Variants in ADAMTSL3 observed in about 807,000 individuals in gnomAD.
The protein encoded by ADAMTSL3 is ADAMTS-like protein 3.
In ADAMTSL3, 128 loss-of-function variants were observed where a neutral mutation model predicts 201.7. The ratio of observed to expected loss-of-function variants is 0.63; its 90% CI spans 0.55 to 0.73. ADAMTSL3 has a LOEUF of 0.73. ADAMTSL3 is among the 30% of genes least tolerant of loss of function. The pLI is 0.00. For missense variants in ADAMTSL3, 1,990 were observed against 2,119.6 expected, an observed-to-expected ratio of 0.94 and a Z score of 1.20; for synonymous variants, 738 against 748.4, an observed-to-expected ratio of 0.99 and a Z score of 0.23.
At chr15:83,711,254 A>G (rs2061929436) in intron 3 of ADAMTSL3, among the ~76,000 whole-genome samples, 1 of 152,196 alleles carries the variant, frequency 6.6e-6, no homozygotes, top group South Asian at 2.1e-4. Flanking sequence ...ATGTGGTTAA[A>G]CTATTGGCAG....
rs563906636 is a variant in ADAMTSL3, at chr15:83,969,270, C to A, written c.2491-1214C>A. On this transcript the variant is annotated intron_variant, in intron 19 of 29. Coordinates refer to ENST00000286744, the MANE Select transcript of ADAMTSL3 (RefSeq NM_207517.3). The stretch of plus-strand genomic sequence containing the variant: ...ACCAGCCTGGCCAAGATGATAAAAC[C>A]CCATCTCTACTAAAAATACAAAAAG... 4.6e-5 allele frequency among the ~76,000 whole-genome samples: 7 copies of A among 152,196 alleles called. No homozygotes were observed. In the South Asian group the frequency reaches 1.2e-3, roughly 27 times the overall value.
At chr15:83,953,429 A>G (rs1175784416) in intron 19 of ADAMTSL3, among the ~76,000 whole-genome samples, 3 of 152,162 alleles carry the variant, frequency 2.0e-5, no homozygotes, top group Non-Finnish European at 4.4e-5. Flanking sequence ...TGAAAACTCT[A>G]TACTTTTACT....
intron 2 of ADAMTSL3, among the ~76,000 whole-genome samples, chr15:83,674,291 TA>T (rs1357244983): frequency 6.6e-6 from 1 of 152,028 alleles, no homozygotes; most frequent in Non-Finnish European, 1.5e-5. Context: ...GGTCACATCT[TA>T]CGTTATATGG....
chr15:83,767,858 G>A (rs2062918328), intron 3 of ADAMTSL3, among the ~76,000 whole-genome samples: 1 of 152,198 alleles, frequency 6.6e-6, no homozygotes, highest in South Asian at 2.1e-4. Context: ...ATTATGGTCG[G>A]CTTACTAGTT....
intron 16 of ADAMTSL3, among the ~76,000 whole-genome samples, chr15:83,916,357 T>C (rs2066032623): frequency 6.6e-6 from 1 of 152,178 alleles, no homozygotes; most frequent in Non-Finnish European, 1.5e-5. Context: ...CTTGGACACC[T>C]ACTAACCCAA....
chr15:84,021,902 C>T (rs2068212636), intron 26 of ADAMTSL3, among the ~76,000 whole-genome samples: 1 of 152,148 alleles, frequency 6.6e-6, no homozygotes, highest in Admixed American at 6.5e-5. Context: ...CACACACAAT[C>T]CTGTCAGTTC....
At chr15:83,828,798 C>A (rs1596284993) in intron 6 of ADAMTSL3, among the ~76,000 whole-genome samples, 1 of 152,056 alleles carries the variant, frequency 6.6e-6, no homozygotes, top group African/African-American at 2.4e-5. Context: ...TGGTTTTTGT[C>A]TTTGTTTCTG....
chr15:83,811,849 T>A (rs1308937998), intron 5 of ADAMTSL3, among the ~76,000 whole-genome samples: 1 of 152,198 alleles, frequency 6.6e-6, no homozygotes, highest in Non-Finnish European at 1.5e-5. Context: ...AAATTCCTTA[T>A]TTGTAAAATA....
At chr15:83,698,204 A>G (rs1052711497) in intron 2 of ADAMTSL3, among the ~76,000 whole-genome samples, 3 of 152,114 alleles carry the variant, frequency 2.0e-5, no homozygotes, top group Non-Finnish European at 4.4e-5. Context: ...TAATATCACA[A>G]TCAAGCAGAA....
In ADAMTSL3 at chr15:84,031,344, C is replaced by T. The variant is rs375925683; in HGVS notation, c.4666C>T (p.Arg1556Cys). Residue 1556 changes from arginine to cysteine, a missense_variant, in exon 28 of 30, where the codon CGT (arginine) becomes TGT (cysteine). Coordinates refer to ENST00000286744, the MANE Select transcript of ADAMTSL3 (RefSeq NM_207517.3). The stretch of plus-strand genomic sequence containing the variant: ...TGCTTTTTTGTTCCAGTGTCCTGGA[C>T]GTTGCATGGGCCGTGCTGTGAGGAT... ...QWEPGNRCPG[R>C]CMGRAVRMQQ... 2.2e-5 allele frequency: 36 copies of T among 1,613,924 alleles called. No homozygotes were observed. Among genetic ancestry groups the T allele is most frequent in the Middle Eastern group, 1.7e-4 (1 of 5,918 alleles).
At chr15:83,780,065 G>T (rs138019247) in intron 4 of ADAMTSL3, among the ~76,000 whole-genome samples, 1 of 64,864 alleles carries the variant, frequency 1.5e-5, no homozygotes, top group Non-Finnish European at 2.9e-5. Flanking sequence ...GCAGAGACAA[G>T]AAATAAATCA....
chr15:83,859,630 C>G (rs980211429), intron 8 of ADAMTSL3, among the ~76,000 whole-genome samples: 1 of 152,194 alleles, frequency 6.6e-6, no homozygotes, highest in Non-Finnish European at 1.5e-5. Context: ...AGCTAGATGC[C>G]TGGAATTTCT....
At chr15:83,721,941 C>T (rs1231983301) in intron 3 of ADAMTSL3, among the ~76,000 whole-genome samples, 2 of 152,074 alleles carry the variant, frequency 1.3e-5, no homozygotes, top group African/African-American at 2.4e-5. Context: ...CCATGTTGGC[C>T]AGGCTGGTCT....
intron 19 of ADAMTSL3, among the ~76,000 whole-genome samples, chr15:83,965,863 C>T (rs2067072692): frequency 6.6e-6 from 1 of 152,140 alleles, no homozygotes; most frequent in South Asian, 2.1e-4. Context: ...CAAATTAGAA[C>T]TCACGATTAA....
intron 2 of ADAMTSL3, among the ~76,000 whole-genome samples, chr15:83,690,596 C>G (rs2061597476): frequency 6.6e-6 from 1 of 152,330 alleles, no homozygotes; most frequent in South Asian, 2.1e-4. Flanking sequence ...CTGTGCCCCC[C>G]TAGCACTCTG....
At chr15:83,890,028 A>G in intron 10 of ADAMTSL3, 81 bp from the exon 11 acceptor site, 3 of 1,482,152 alleles carry the variant, frequency 2.0e-6, no homozygotes, top group Non-Finnish European at 1.8e-6. Flanking sequence ...AGGAAAAAAA[A>G]AAGTGTGTGG....
At chr15:83,978,292 G>A (rs2067321910) in intron 20 of ADAMTSL3, among the ~76,000 whole-genome samples, 1 of 152,216 alleles carries the variant, frequency 6.6e-6, no homozygotes. Flanking sequence ...GCCTTGACTG[G>A]GTGTGGCAGA....
At chr15:83,697,340 C>G (rs1030688508) in intron 2 of ADAMTSL3, among the ~76,000 whole-genome samples, 2 of 152,156 alleles carry the variant, frequency 1.3e-5, no homozygotes, top group Non-Finnish European at 2.9e-5. Context: ...CACTGGACAC[C>G]ACTGGGTATC....
intron 3 of ADAMTSL3, among the ~76,000 whole-genome samples, chr15:83,734,391 T>C (rs1051840706): frequency 6.6e-6 from 1 of 152,008 alleles, no homozygotes; most frequent in Non-Finnish European, 1.5e-5. Context: ...AACAAAACCA[T>C]GTTAACTTTT....
Sources: allele counts gnomAD v4.1 joint callset (sites outside exome capture counted in the v4.1 genomes callset), GRCh38; gene constraint gnomAD v4.1.1; transcripts MANE v1.5; gene names NCBI Gene and HGNC (gene_info 2026-07-23, HGNC 2026-07-21).